TBC1D22A: variants seen among roughly 807,000 people sequenced by gnomAD.
The protein encoded by TBC1D22A is putative GTPase activator.
Under a neutral mutation model 60.2 loss-of-function variants are expected in TBC1D22A, and 38 were observed. That is an observed-to-expected ratio of 0.63 (90% CI 0.49 to 0.83). The LOEUF (loss-of-function observed/expected upper bound fraction) is 0.83, where lower values mean the gene tolerates loss of function less well. TBC1D22A is among the 40% of genes least tolerant of loss of function. TBC1D22A has a pLI of 0.00. For missense variants in TBC1D22A, 628 were observed against 701.0 expected (o/e 0.90, Z 1.18); for synonymous variants, 302 against 281.7 (o/e 1.07, Z -0.72).
At chr22:46,934,312 C>T (rs958542519) in intron 8 of TBC1D22A, among the ~76,000 whole-genome samples, 3 of 152,226 alleles carry the variant, frequency 2.0e-5, no homozygotes. Context: ...AGGCACTGGG[C>T]TTTGGAGTCC....
chr22:47,166,985 T>C (rs1174260621), intron 12 of TBC1D22A, among the ~76,000 whole-genome samples: 1 of 152,214 alleles, frequency 6.6e-6, no homozygotes, highest in Non-Finnish European at 1.5e-5. Flanking sequence ...ACAAGGAGGA[T>C]CCAGCATGAT....
At chr22:46,913,306 G>A (rs773545589) in intron 8 of TBC1D22A, 19 of 1,361,396 alleles carry the variant, frequency 1.4e-5, no homozygotes, top group East Asian at 1.4e-4. Flanking sequence ...CTTGGTGCTC[G>A]CCTGTTGTTA....
At position 47,030,671 on chromosome 22, in the gene TBC1D22A, A is replaced by G. The variant is rs964623130; in HGVS notation, c.1202-6400A>G. 3.9e-5 allele frequency among the ~76,000 whole-genome samples: 6 copies of G among 152,358 alleles called. No individual in the cohort carries two copies. In the East Asian group the frequency reaches 1.2e-3, roughly 29 times the overall value. On this transcript the variant is annotated intron_variant, in intron 10 of 12. Transcript: ENST00000337137. ...ACCTGCCTGCTCATTCATTGTATGT[A>G]TACTCTTATTTCCAGTGAAATGGAA...
At chr22:47,056,312 C>A (rs547050345) in intron 11 of TBC1D22A, among the ~76,000 whole-genome samples, 1 of 151,960 alleles carries the variant, frequency 6.6e-6, no homozygotes, top group Non-Finnish European at 1.5e-5. Flanking sequence ...CTCCTCCGGC[C>A]GGGTGCTTGT....
chr22:47,096,688 GGC>G (rs2147645948), intron 11 of TBC1D22A, among the ~76,000 whole-genome samples: 1 of 152,252 alleles, frequency 6.6e-6, no homozygotes, highest in Non-Finnish European at 1.5e-5. Context: ...CGGGTGTAGT[GGC>G]GCATGCCTGT....
intron 1 of TBC1D22A, among the ~76,000 whole-genome samples, chr22:46,783,011 C>T (rs2084006494): frequency 6.6e-6 from 1 of 152,194 alleles, no homozygotes; most frequent in Admixed American, 6.5e-5. Context: ...TCCATGTAAC[C>T]TTCTGAGGAC....
Position 46,920,394 on chromosome 22 carries a change from T to C in TBC1D22A, c.1015+8206T>C, listed in dbSNP as rs370602562. ...GTGCCTAGCTCAAAGCTGGGTATTC[T>C]CCCATTCTAATAATCATTTAGTCAT... On this transcript the variant is annotated intron_variant, in intron 8 of 12. Transcript: ENST00000337137. 2.7e-4 allele frequency among the ~76,000 whole-genome samples: 39 copies of C among 142,038 alleles called. No individual in the cohort carries two copies. The East Asian group carries it at 4.6e-3, about 17-fold the overall frequency. The allele number at this position is 142,038 out of a possible 152,430, so 93.2% of individuals were successfully genotyped here.
intron 8 of TBC1D22A, among the ~76,000 whole-genome samples, chr22:46,960,513 C>T (rs927521647): frequency 6.6e-6 from 1 of 152,196 alleles, no homozygotes; most frequent in African/African-American, 2.4e-5. Context: ...CTGCCGGCCT[C>T]AGTCCCCCAA....
At chr22:46,863,938 A>T (rs946253817) in intron 4 of TBC1D22A, among the ~76,000 whole-genome samples, 6 of 152,118 alleles carry the variant, frequency 3.9e-5, no homozygotes, top group African/African-American at 1.4e-4. Flanking sequence ...CTAGCTCAGC[A>T]TCTAGCATTG....
chr22:47,016,173 C>T (rs900619289), intron 10 of TBC1D22A, among the ~76,000 whole-genome samples: 2 of 152,178 alleles, frequency 1.3e-5, no homozygotes, highest in Non-Finnish European at 2.9e-5. Flanking sequence ...TGGGCACTGG[C>T]GCCCTGAACT....
At chr22:46,831,313 A>T (rs868282910) in intron 4 of TBC1D22A, among the ~76,000 whole-genome samples, 22 of 152,058 alleles carry the variant, frequency 1.4e-4, no homozygotes, top group African/African-American at 5.3e-4. Flanking sequence ...TCCAGAGTAG[A>T]TTCTCTTTAC....
chr22:46,847,276 G>A (rs2087044435), intron 4 of TBC1D22A, among the ~76,000 whole-genome samples: 1 of 152,350 alleles, frequency 6.6e-6, no homozygotes, highest in Admixed American at 6.5e-5. Context: ...CTGGGAGGCA[G>A]GAGGCCTGGC....
chr22:47,085,752 T>G (rs2064655837), intron 11 of TBC1D22A, among the ~76,000 whole-genome samples: 1 of 152,108 alleles, frequency 6.6e-6, no homozygotes, highest in African/African-American at 2.4e-5. Flanking sequence ...CTTATCAGTG[T>G]GTGAGTTATC....
intron 4 of TBC1D22A, among the ~76,000 whole-genome samples, chr22:46,874,923 T>C (rs1165992280): frequency 6.6e-6 from 1 of 152,094 alleles, no homozygotes; most frequent in Admixed American, 6.5e-5. Flanking sequence ...AATGGGGTTG[T>C]TTTTTTCTTG....
chr22:46,949,891 G>A (rs911976397), intron 8 of TBC1D22A, among the ~76,000 whole-genome samples: 1 of 152,242 alleles, frequency 6.6e-6, no homozygotes, highest in African/African-American at 2.4e-5. Flanking sequence ...TGAGGCCTGA[G>A]CCGAGGCTGC....
intron 9 of TBC1D22A, among the ~76,000 whole-genome samples, chr22:46,987,412 G>A (rs904752841): frequency 2.6e-5 from 4 of 152,102 alleles, no homozygotes; most frequent in African/African-American, 7.2e-5. Flanking sequence ...ACACGATGAT[G>A]TTATCAGCAA....
In TBC1D22A at chr22:47,039,707, A is replaced by G. The variant is rs927365095; in HGVS notation, c.1329+2509A>G. 1.2e-4 allele frequency among the ~76,000 whole-genome samples: 17 copies of G among 147,436 alleles called. No individual in the cohort carries two copies. The East Asian group carries it at 3.3e-3, about 29-fold the overall frequency. On this transcript the variant is annotated intron_variant, in intron 11 of 12. Coordinates refer to ENST00000337137, the MANE Select transcript of TBC1D22A (RefSeq NM_014346.5). ...CTCATGGATGCGTGCATTTCAGGAA[A>G]AAAAAAAAAAAAAAAAAAAAGAAAT...
chr22:46,884,483 ACAGC>A (rs1462788624), intron 5 of TBC1D22A, among the ~76,000 whole-genome samples: 10 of 152,318 alleles, frequency 6.6e-5, no homozygotes, highest in Non-Finnish European at 1.2e-4. Flanking sequence ...GGCTCCTCCC[ACAGC>A]CGGGGAGGTG....
chr22:47,032,709 G>T (rs1029356374), intron 10 of TBC1D22A, among the ~76,000 whole-genome samples: 1 of 152,226 alleles, frequency 6.6e-6, no homozygotes, highest in East Asian at 1.9e-4. Flanking sequence ...GGGATGTGCA[G>T]TGTGGCCGTG....
Sources: gnomAD v4.1 joint callset for allele counts (sites outside exome capture counted in the v4.1 genomes callset) on GRCh38, gnomAD v4.1.1 for gene constraint, MANE v1.5 for transcripts, NCBI Gene and HGNC (gene_info 2026-07-23, HGNC 2026-07-21) for gene names.